The following OSBPL6 variants were observed in gnomAD, a reference collection of about 807,000 sequenced individuals.
The protein encoded by OSBPL6 is oxysterol-binding protein-related protein 6.
OSBPL6 carries 49 observed loss-of-function variants against 125.8 expected under a neutral mutation model. The observed-to-expected ratio is 0.39, with a 90% CI of 0.31 to 0.49. The LOEUF (loss-of-function observed/expected upper bound fraction) is 0.49. OSBPL6 is among the 20% of genes least tolerant of loss of function. OSBPL6 has a pLI of 0.88. For missense variants in OSBPL6, 986 were observed against 1,135.4 expected (o/e 0.87, Z 1.89); for synonymous variants, 394 against 391.8 (o/e 1.01, Z -0.07).
intron 1 of OSBPL6, among the ~76,000 whole-genome samples, chr2:178,280,852 G>C (rs750552964): frequency 6.6e-6 from 1 of 151,996 alleles, no homozygotes; most frequent in Admixed American, 6.6e-5. Context: ...TGTAGACTCT[G>C]GTTATTAGAC....
chr2:178,251,175 G>A (rs1040081861), intron 1 of OSBPL6, among the ~76,000 whole-genome samples: 6 of 152,046 alleles, frequency 3.9e-5, no homozygotes, highest in African/African-American at 1.2e-4. Flanking sequence ...CATGCTGGAG[G>A]AGTAAGAATC....
At chr2:178,196,323 T>G (rs888900595) in intron 1 of OSBPL6, among the ~76,000 whole-genome samples, 1 of 152,208 alleles carries the variant, frequency 6.6e-6, no homozygotes, top group Non-Finnish European at 1.5e-5. Context: ...ATAATTTTTC[T>G]TAAGGTAAAA....
At chr2:178,291,792 G>GCCTGCCATCCATCCATCCAT (rs1553543924) in intron 2 of OSBPL6, among the ~76,000 whole-genome samples, 2 of 116,640 alleles carry the variant, frequency 1.7e-5, no homozygotes, top group Non-Finnish European at 3.7e-5. Context: ...CTTCCTGCCT[G>GCCTGCCATCCATCCATCCAT]CCATCCATCC....
intron 14 of OSBPL6, among the ~76,000 whole-genome samples, chr2:178,373,557 C>T (rs1045341001): frequency 6.6e-6 from 1 of 152,170 alleles, no homozygotes; most frequent in African/African-American, 2.4e-5. Context: ...TTTAATGTAC[C>T]GTTAGAATAT....
At position 178,203,169 on chromosome 2, in the gene OSBPL6, T is replaced by C. The variant is rs1026124892; in HGVS notation, c.-351+8495T>C. Reference sequence around the variant, plus strand: ...TTTGGATAGTTTCTATTGCTGTGTCTTTACACTTAGTTTCTTTTAACTTTT... The same window carrying C: ...TTTGGATAGTTTCTATTGCTGTGTCCTTACACTTAGTTTCTTTTAACTTTT... On this transcript the variant is annotated intron_variant, in intron 1 of 24. Transcript: ENST00000190611. Among the ~76,000 whole-genome samples the C allele has an allele frequency of 3.3e-5, 5 of 152,316 alleles. No individual in the cohort carries two copies. The Middle Eastern group carries it at 0.01, about 311-fold the overall frequency.
intron 9 of OSBPL6, among the ~76,000 whole-genome samples, chr2:178,337,949 C>CTTTTTTTTTTTTTTT (rs755944128): frequency 0.02 from 2,767 of 138,302 alleles, 86 homozygotes; most frequent in Middle Eastern, 0.046. Flanking sequence ...TCAGTATTCT[C>CTTTTTTTTTTTTTTT]TTTTTTTTTT....
chr2:178,208,919 A>C (rs1574486429), intron 1 of OSBPL6, among the ~76,000 whole-genome samples: 1 of 152,022 alleles, frequency 6.6e-6, no homozygotes, highest in Non-Finnish European at 1.5e-5. Context: ...TTCTTGATTT[A>C]TAGTCTGGGC....
intron 1 of OSBPL6, among the ~76,000 whole-genome samples, chr2:178,238,322 A>T (rs953171863): frequency 1.3e-5 from 2 of 152,190 alleles, no homozygotes; most frequent in South Asian, 2.1e-4. Context: ...TCCAGCATAT[A>T]TACTGTCAAC....
chr2:178,361,579 CA>C, intron 12 of OSBPL6, 102 bp from the exon 13 acceptor site: 1 of 1,416,508 alleles, frequency 7.1e-7, no homozygotes, highest in Non-Finnish European at 9.7e-7. Context: ...ATAGCCTTTC[CA>C]AAAAATGCCT....
chr2:178,322,417 A>G (rs1688323130), intron 3 of OSBPL6, among the ~76,000 whole-genome samples: 1 of 152,214 alleles, frequency 6.6e-6, no homozygotes, highest in Non-Finnish European at 1.5e-5. Flanking sequence ...TGGGCTTACA[A>G]AGAAGTCCTA....
intron 3 of OSBPL6, among the ~76,000 whole-genome samples, chr2:178,318,828 A>C (rs1687991991): frequency 6.6e-6 from 1 of 152,236 alleles, no homozygotes; most frequent in South Asian, 2.1e-4. Context: ...AAAGTGTTTG[A>C]AAGTCATCTT....
intron 3 of OSBPL6, among the ~76,000 whole-genome samples, chr2:178,313,675 A>C (rs115936044): frequency 6.6e-6 from 1 of 152,202 alleles, no homozygotes; most frequent in Non-Finnish European, 1.5e-5. Flanking sequence ...TATATTCCGT[A>C]TAATGGTCCA....
chr2:178,275,238 A>C (rs951658859), intron 1 of OSBPL6, among the ~76,000 whole-genome samples: 4 of 152,138 alleles, frequency 2.6e-5, no homozygotes, highest in African/African-American at 9.7e-5. Context: ...GGTGCTGGGC[A>C]CAGTGGCTTT....
chr2:178,227,298 C>A (rs1427868975), intron 1 of OSBPL6, among the ~76,000 whole-genome samples: 1 of 152,186 alleles, frequency 6.6e-6, no homozygotes, highest in African/African-American at 2.4e-5. Flanking sequence ...ATAGAAAAGT[C>A]TGTTAATATC....
chr2:178,334,894 G>A (rs759498778), intron 8 of OSBPL6, among the ~76,000 whole-genome samples: 1 of 152,088 alleles, frequency 6.6e-6, no homozygotes, highest in Non-Finnish European at 1.5e-5. Context: ...TCTAGGAATA[G>A]GGTGTTGGAT....
chr2:178,245,812 G>A (rs896605055), intron 1 of OSBPL6, among the ~76,000 whole-genome samples: 1 of 152,194 alleles, frequency 6.6e-6, no homozygotes, highest in Non-Finnish European at 1.5e-5. Flanking sequence ...AGGGTGTACA[G>A]CTGGGAAGTG....
intron 1 of OSBPL6, among the ~76,000 whole-genome samples, chr2:178,279,867 T>C (rs533835565): frequency 7.6e-4 from 116 of 152,314 alleles, no homozygotes; most frequent in Non-Finnish European, 1.4e-3. Context: ...ATGCAGTTTA[T>C]GTGCAAGGTA....
intron 13 of OSBPL6, among the ~76,000 whole-genome samples, chr2:178,370,892 G>T (rs912263329): frequency 3.9e-5 from 6 of 152,220 alleles, no homozygotes; most frequent in Non-Finnish European, 8.8e-5. Flanking sequence ...AAGACATGGG[G>T]ACCAGGATGG....
At chr2:178,333,167 G>A (rs1344591256) in intron 8 of OSBPL6, 126 bp downstream of exon 8, 2 of 993,982 alleles carry the variant, frequency 2.0e-6, no homozygotes, top group Non-Finnish European at 3.0e-6. Context: ...TGGATCGCCT[G>A]ACAGCCAGGA....
Sources: allele counts gnomAD v4.1 joint callset (sites outside exome capture counted in the v4.1 genomes callset), GRCh38; gene constraint gnomAD v4.1.1; transcripts MANE v1.5; gene names NCBI Gene and HGNC (gene_info 2026-07-23, HGNC 2026-07-21).